IL11: variants seen among roughly 807,000 people sequenced by gnomAD.
The protein encoded by IL11 is interleukin 11.
In IL11, 17 loss-of-function variants were observed where a neutral mutation model predicts 18.1. The ratio of observed to expected loss-of-function variants is 0.94; its 90% CI spans 0.64 to 1.41. IL11 has a LOEUF of 1.41. Among genes scored for constraint, IL11 ranks in the 40% most tolerant of loss-of-function variants. The pLI, the probability that IL11 is intolerant of heterozygous loss-of-function variation, is 0.00. For missense variants in IL11, 309 were observed against 262.8 expected (o/e 1.18, Z -1.22); for synonymous variants, 144 against 134.1 (o/e 1.07, Z -0.51).
rs2089804889 is a variant in IL11, at chr19:55,369,069, AGAGGCTGGGGGCCTGGACTCCT to A, written c.8-150_8-129del. The A allele has an allele frequency of 1.3e-6, 1 of 776,698 alleles. No homozygotes were observed. Among genetic ancestry groups the A allele is most frequent in the African/African-American group, 2.8e-5 (1 of 36,148 alleles). The allele number at this position is 776,698 out of a possible 1,614,324, so 48.1% of individuals were successfully genotyped here. On this transcript the variant is annotated intron_variant, in intron 1 of 4. Coordinates refer to ENST00000264563, the MANE Select transcript of IL11 (RefSeq NM_000641.4). The surrounding 1 kb of genome is among the most constrained non-coding windows in gnomAD (Gnocchi z 6.1). ...GGACTCCTCCTGGGTCTGAGGGAGG[AGAGGCTGGGGGCCTGGACTCCT>A]AGGTCTGAGGGAGGAAGGCCTGGGG...
At position 55,368,276 on chromosome 19, in the gene IL11, G is replaced by T. The variant is rs771657833; in HGVS notation, c.363C>A (p.Thr121=). 1 of 1,559,152 alleles carries T rather than the reference G, an allele frequency of 6.4e-7. No homozygotes were observed. ...LRRAGGSSLK[T]LEPELGTLQA... The stretch of plus-strand genomic sequence containing the variant: ...GCAGGGTGCCCAGCTCGGGCTCCAG[G>T]GTCTTCAGGGAAGAGCCACCTGCCC... Residue 121 remains threonine (T), a synonymous_variant, in exon 4 of 5, where the codon ACC becomes ACA. Coordinates refer to ENST00000264563, the MANE Select transcript of IL11 (RefSeq NM_000641.4).
In IL11 at chr19:55,369,933, C is replaced by T. The variant is rs995763781; in HGVS notation, c.7+371G>A. Among the ~76,000 whole-genome samples, 5 of 152,014 alleles carry T rather than the reference C, an allele frequency of 3.3e-5. No homozygotes were observed. Among genetic ancestry groups the T allele is most frequent in the South Asian group, 2.1e-4 (1 of 4,830 alleles). ...TCAGTTTCCCTCCGGAGCCTCTCTG[C>T]CGGAATCCCAGGGAGTCTCCCGGTC... On this transcript the variant is annotated intron_variant, in intron 1 of 4. Coordinates refer to ENST00000264563, the MANE Select transcript of IL11 (RefSeq NM_000641.4). The surrounding 1 kb of genome is among the most constrained non-coding windows in gnomAD (Gnocchi z 6.1).
rs1056614269 is a variant in IL11, at chr19:55,366,803, G to C, written c.430-626C>G. ...CTCTAGCCTGGGCAACAGAGCGCGA[G>C]ACTCTGTCTCCAAAAAATAATAATA... is the stretch of plus-strand genomic sequence containing the variant. On this transcript the variant is annotated intron_variant, in intron 4 of 4. Transcript: ENST00000264563. The surrounding 1 kb of genome is among the most constrained non-coding windows in gnomAD (Gnocchi z 4.6). Among the ~76,000 whole-genome samples the C allele has an allele frequency of 6.6e-6, 1 of 152,006 alleles. No individual in the cohort carries two copies. Among genetic ancestry groups the C allele is most frequent in the Admixed American group, 6.6e-5 (1 of 15,242 alleles).
At position 55,364,671 on chromosome 19, in the gene IL11, A is replaced by C. The variant is rs1173994570; in HGVS notation, c.*1336T>G. 1 of 152,072 alleles carries C rather than the reference A, an allele frequency of 6.6e-6. No homozygotes were observed. The highest frequency in any genetic ancestry group is 1.5e-5 in the Non-Finnish European group (1 of 68,024). The allele number at this position is 152,072 out of a possible 1,614,324, so 9.4% of individuals were successfully genotyped here. ...TCAGGACATCATTCTTTCTTTTTTG[A>C]GACAGGGTTTTGCCATGTCTCGCAG... On this transcript the variant is annotated 3_prime_UTR_variant, in exon 5 of 5. Transcript: ENST00000264563.
rs999339245 is a variant in IL11 at position 55,366,263 on chromosome 19, G to C, written c.430-86C>G. ...GGTGCTGTGGAGCTGCAGCTGAATC[G>C]GGGCTGCATATTCACAGGGGGACTG... On this transcript the variant is annotated intron_variant, in intron 4 of 4. Coordinates refer to ENST00000264563, the MANE Select transcript of IL11 (RefSeq NM_000641.4). This position sits in a 1 kb window ranked among gnomAD's most constrained non-coding sequence, Gnocchi z 4.6. The C allele has an allele frequency of 1.4e-6, 2 of 1,383,874 alleles. No individual in the cohort carries two copies. The highest frequency in any genetic ancestry group is 3.2e-5 in the Admixed American group (1 of 31,610). The allele number at this position is 1,383,874 out of a possible 1,614,324, so 85.7% of individuals were successfully genotyped here.
In IL11 at chr19:55,366,857, C is replaced by T. The variant is rs938656181; in HGVS notation, c.430-680G>A. Among the ~76,000 whole-genome samples the T allele has an allele frequency of 9.9e-5, 15 of 152,072 alleles. No individual in the cohort carries two copies. Among genetic ancestry groups the T allele is most frequent in the Admixed American group, 6.5e-5 (1 of 15,276 alleles). On this transcript the variant is annotated intron_variant, in intron 4 of 4. Coordinates refer to ENST00000264563, the MANE Select transcript of IL11 (RefSeq NM_000641.4). This position sits in a 1 kb window ranked among gnomAD's most constrained non-coding sequence, Gnocchi z 4.6. ...ATAATAATTAAGAAACAGAGTCTTG[C>T]TATGCTGCCCAGGCTGTCTCAAACT...
At chr19:55,367,914 T>C (rs752542169) in intron 4 of IL11, among the ~76,000 whole-genome samples, 1 of 151,838 alleles carries the variant, frequency 6.6e-6, no homozygotes, top group Admixed American at 6.6e-5. Context: ...CTCAGGGTCT[T>C]GGGTGAGAAT....
At chr19:55,370,215 G>T in intron 1 of IL11, 89 bp downstream of exon 1, 1 of 1,001,172 alleles carries the variant, frequency 1.0e-6, no homozygotes, top group South Asian at 1.4e-5. Context: ...CTCTCTGTGC[G>T]ACTCAGCGGG....
At position 55,369,531 on chromosome 19, in the gene IL11, G is replaced by A. The variant is rs1238614072; in HGVS notation, c.8-590C>T. ...CCCTCCCAGGAGCCCCGCCGGGTGG[G>A]CGGCAGAAGCCCGGGCCGCAGCGCA... is the stretch of plus-strand genomic sequence containing the variant. On this transcript the variant is annotated intron_variant, in intron 1 of 4. Transcript: ENST00000264563. This position sits in a 1 kb window ranked among gnomAD's most constrained non-coding sequence, Gnocchi z 6.1. Among the ~76,000 whole-genome samples, 2 of 151,340 alleles carry A rather than the reference G, an allele frequency of 1.3e-5. No homozygotes were observed. Among genetic ancestry groups the A allele is most frequent in the Non-Finnish European group, 3.0e-5 (2 of 67,754 alleles).
chr19:55,368,585 G>C lies in IL11; in HGVS notation c.181-16C>G, dbSNP rs776799433. ...ATTTGTCCCTCTGGCAGGGAAAAAAGCTGTGAGGTGGCCCCTGCCCAGCCT... is the reference window on the plus strand; with the variant it reads ...ATTTGTCCCTCTGGCAGGGAAAAAACCTGTGAGGTGGCCCCTGCCCAGCCT... On this transcript the variant is annotated splice_polypyrimidine_tract_variant and intron_variant, in intron 2 of 4. Coordinates refer to ENST00000264563, the MANE Select transcript of IL11 (RefSeq NM_000641.4). 1 of 1,601,366 alleles carries C rather than the reference G, an allele frequency of 6.2e-7. No homozygotes were observed. The highest frequency in any genetic ancestry group is 2.2e-5 in the East Asian group (1 of 44,494).
chr19:55,368,223 C>T lies in IL11; in HGVS notation c.416G>A (p.Arg139Gln), dbSNP rs758552589. 9.1e-6 allele frequency: 14 copies of T among 1,532,808 alleles called. No homozygotes were observed. Among genetic ancestry groups the T allele is most frequent in the South Asian group, 8.4e-5 (7 of 83,574 alleles). The allele number at this position is 1,532,808 out of a possible 1,614,324, so 95.0% of individuals were successfully genotyped here. A position where few individuals can be genotyped will look rare whatever the true frequency, so the allele number is the denominator to read the frequency against. ...LQARLDRLLRRLQLLMSRLAL... is the reference protein window; with the variant it reads ...LQARLDRLLRQLQLLMSRLAL... ...GCCAGGACATACCAGGAGCTGCAGC[C>T]GGCGCAGCAGCCGGTCCAGTCGGGC... Residue 139 changes from arginine to glutamine, a missense_variant, in exon 4 of 5, where the codon CGG (arginine) becomes CAG (glutamine). Transcript: ENST00000264563.
intron 4 of IL11, among the ~76,000 whole-genome samples, chr19:55,367,214 G>A (rs1246048233): frequency 6.6e-6 from 1 of 151,958 alleles, no homozygotes; most frequent in Non-Finnish European, 1.5e-5. Flanking sequence ...TCTTGGAGTC[G>A]TACAGGCGCA....
rs1234301816 is a variant in IL11, at chr19:55,365,935, G to A, written c.*72C>T. On this transcript the variant is annotated 3_prime_UTR_variant, in exon 5 of 5. Coordinates refer to ENST00000264563, the MANE Select transcript of IL11 (RefSeq NM_000641.4). ...GGCGGGGGGATCACCTGGCTGTTTCGCCCCCAGTACTGAAATAAATAAATA... is the reference window on the plus strand; with the variant it reads ...GGCGGGGGGATCACCTGGCTGTTTCACCCCCAGTACTGAAATAAATAAATA... 2.6e-6 allele frequency: 4 copies of A among 1,543,414 alleles called. No individual in the cohort carries two copies. Among genetic ancestry groups the A allele is most frequent in the Non-Finnish European group, 2.6e-6 (3 of 1,144,656 alleles).
rs963665811 is a variant in IL11, at chr19:55,368,071, C to T, written c.429+139G>A. ...CTGTTACGGTGTCAGGGTCTCAGAGCGGGCTGTTAGGGTGTCAGGGTCTCA... is the reference window on the plus strand; with the variant it reads ...CTGTTACGGTGTCAGGGTCTCAGAGTGGGCTGTTAGGGTGTCAGGGTCTCA... On this transcript the variant is annotated intron_variant, in intron 4 of 4. Transcript: ENST00000264563. 31 of 688,758 alleles carry T rather than the reference C, an allele frequency of 4.5e-5. No homozygotes were observed. In the African/African-American group the frequency reaches 4.5e-4, roughly 10 times the overall value. 42.7% of individuals were successfully genotyped at this position (688,758 alleles called of 1,614,324 possible).
In IL11 at chr19:55,368,527, G is replaced by C; in HGVS notation, c.223C>G (p.Leu75Val). The change falls in exon 3 of 5, where the codon CTG becomes GTG. Residue 75 changes from leucine (L) to valine (V), a missense_variant. Coordinates refer to ENST00000264563, the MANE Select transcript of IL11 (RefSeq NM_000641.4). ...CCCGCACTCATGGCCAGGGTGGGCA[G>C]GGAATCCAGGTTGTGGTCCCCGTCA... ...PADGDHNLDS[L>V]PTLAMSAGAL... 6.2e-7 allele frequency: 1 copy of C among 1,613,140 alleles called. No individual in the cohort carries two copies. The highest frequency in any genetic ancestry group is 8.5e-7 in the Non-Finnish European group (1 of 1,179,712).
chr19:55,368,451 A>G (rs745497204), intron 3 of IL11, 32 bp downstream of exon 3: 1 of 1,581,618 alleles, frequency 6.3e-7, no homozygotes, highest in East Asian at 2.3e-5. Flanking sequence ...CCTGCCTCCC[A>G]CCTTGTCCCC....
At position 55,369,037 on chromosome 19, in the gene IL11, G is replaced by T; in HGVS notation, c.8-96C>A. ...TCCCGGGTCTGAGGGAGGAGGAACTGGGGTCTGGACTCCTCCTGGGTCTGA... is the reference window on the plus strand; with the variant it reads ...TCCCGGGTCTGAGGGAGGAGGAACTTGGGTCTGGACTCCTCCTGGGTCTGA... On this transcript the variant is annotated intron_variant, in intron 1 of 4. Transcript: ENST00000264563. This position sits in a 1 kb window ranked among gnomAD's most constrained non-coding sequence, Gnocchi z 6.1. The T allele has an allele frequency of 8.6e-7, 1 of 1,158,422 alleles. No homozygotes were observed. 71.8% of individuals were successfully genotyped at this position (1,158,422 alleles called of 1,614,324 possible). A position where few individuals can be genotyped will look rare whatever the true frequency, so the allele number is the denominator to read the frequency against.
chr19:55,368,041 C>T (rs1464242506), intron 4 of IL11, among the ~76,000 whole-genome samples, 169 bp downstream of exon 4: 1 of 151,458 alleles, frequency 6.6e-6, no homozygotes, highest in Non-Finnish European at 1.5e-5. Flanking sequence ...GGTCTCAGAG[C>T]GGGGCTGTTA....
chr19:55,366,157 G>A lies in IL11; in HGVS notation c.450C>T (p.Pro150=), dbSNP rs1313639507. Reference sequence around the variant, plus strand: ...GCGCCGGCGGGTCCGGGGGTGGCTGGGGCAGGGCCAGGCGGGACATCTGTG... The same window carrying A: ...GCGCCGGCGGGTCCGGGGGTGGCTGAGGCAGGGCCAGGCGGGACATCTGTG... ...LQLLMSRLAL[P]QPPPDPPAPP... is the part of the protein sequence containing the mutation. Residue 150 remains proline (P), a synonymous_variant, in exon 5 of 5, where the codon CCC becomes CCT. Transcript: ENST00000264563. This position sits in a 1 kb window ranked among gnomAD's most constrained non-coding sequence, Gnocchi z 4.6. 6.7e-7 allele frequency: 1 copy of A among 1,500,490 alleles called. No individual in the cohort carries two copies. Among genetic ancestry groups the A allele is most frequent in the Non-Finnish European group, 8.9e-7 (1 of 1,120,240 alleles). 92.9% of individuals were successfully genotyped at this position (1,500,490 alleles called of 1,614,324 possible). A position where few individuals can be genotyped will look rare whatever the true frequency, so the allele number is the denominator to read the frequency against.
Sources: allele counts gnomAD v4.1 joint callset (sites outside exome capture counted in the v4.1 genomes callset), GRCh38; gene constraint gnomAD v4.1.1; non-coding constraint Gnocchi (gnomAD v3.1); transcripts MANE v1.5; gene names NCBI Gene and HGNC (gene_info 2026-07-23, HGNC 2026-07-21).